KCNH1: variants seen among roughly 807,000 people sequenced by gnomAD.
KCNH1 encodes potassium voltage-gated channel subfamily H member 1.
KCNH1 carries 27 observed loss-of-function variants against 69.2 expected under a neutral mutation model. The observed-to-expected ratio is 0.39, with a 90% CI of 0.29 to 0.54. The LOEUF (loss-of-function observed/expected upper bound fraction) is 0.54. KCNH1 is among the 20% of genes least tolerant of loss of function. The pLI is 0.68. For missense variants in KCNH1, 798 were observed against 1,261.6 expected, an observed-to-expected ratio of 0.63 and a Z score of 5.57; for synonymous variants, 456 against 487.7, an observed-to-expected ratio of 0.93 and a Z score of 0.86.
At chr1:210,854,583 T>A (rs1290645016) in intron 7 of KCNH1, among the ~76,000 whole-genome samples, 1 of 152,048 alleles carries the variant, frequency 6.6e-6, no homozygotes, top group Non-Finnish European at 1.5e-5. Context: ...GGATGGCAAG[T>A]GGTAGCTGTC....
chr1:210,789,331 A>G (rs1358018036), intron 9 of KCNH1, among the ~76,000 whole-genome samples: 1 of 152,190 alleles, frequency 6.6e-6, no homozygotes, highest in Non-Finnish European at 1.5e-5. Flanking sequence ...GGGTTTATAG[A>G]AAGTTATTGT....
At chr1:210,999,067 A>G (rs1369918320) in intron 6 of KCNH1, among the ~76,000 whole-genome samples, 1 of 152,240 alleles carries the variant, frequency 6.6e-6, no homozygotes. Context: ...AGCAGGAAAG[A>G]TCTAAAATTG....
chr1:210,747,021 A>T (rs1005703206), intron 10 of KCNH1, among the ~76,000 whole-genome samples: 66 of 152,310 alleles, frequency 4.3e-4, no homozygotes, highest in African/African-American at 1.6e-3. Flanking sequence ...ATTACCATTC[A>T]TTAGGGAAAC....
chr1:211,115,729 A>ATATATATATATATATATG (rs1691565376), intron 1 of KCNH1, among the ~76,000 whole-genome samples: 1 of 77,992 alleles, frequency 1.3e-5, no homozygotes, highest in Non-Finnish European at 2.3e-5. Context: ...ATATATATAT[A>ATATATATATATATATATG]TACACACACA....
chr1:210,970,534 G>A (rs1190415576), intron 6 of KCNH1, among the ~76,000 whole-genome samples: 1 of 152,076 alleles, frequency 6.6e-6, no homozygotes, highest in Non-Finnish European at 1.5e-5. Flanking sequence ...AATAAGCAAT[G>A]GGGAAAGGAT....
chr1:210,850,435 C>T (rs535087651), intron 7 of KCNH1, among the ~76,000 whole-genome samples: 205 of 152,226 alleles, frequency 1.3e-3, no homozygotes, highest in Non-Finnish European at 2.4e-3. Flanking sequence ...CGCTTGAATC[C>T]GGGAGGCGGA....
intron 10 of KCNH1, among the ~76,000 whole-genome samples, chr1:210,723,946 T>C (rs961631484): frequency 2.0e-5 from 3 of 152,144 alleles, no homozygotes; most frequent in Admixed American, 2.0e-4. Context: ...TTCACTGAGG[T>C]ATCTATAGCT....
chr1:210,847,294 G>A (rs938913585), intron 7 of KCNH1, among the ~76,000 whole-genome samples: 16 of 152,046 alleles, frequency 1.1e-4, no homozygotes, highest in African/African-American at 2.9e-4. Flanking sequence ...TGTTTATTGC[G>A]GCACTATTCA....
Position 211,133,191 on chromosome 1 carries a change from T to C in KCNH1, c.79+676A>G, listed in dbSNP as rs1691908536. On this transcript the variant is annotated intron_variant, in intron 1 of 10. Coordinates refer to ENST00000271751, the MANE Select transcript of KCNH1 (RefSeq NM_172362.3). The surrounding 1 kb of genome is among the most constrained non-coding windows in gnomAD (Gnocchi z 5.4). ...GGGAAATATAACAGGTTTGTACCTG[T>C]GACCATTTAGTTCGCTCTGCACCTG... 6.6e-6 allele frequency: 1 copy of C among 152,240 alleles called. No homozygotes were observed. Among genetic ancestry groups the C allele is most frequent in the African/African-American group, 2.4e-5 (1 of 41,440 alleles). 9.4% of individuals were successfully genotyped at this position (152,240 alleles called of 1,614,324 possible). A position where few individuals can be genotyped will look rare whatever the true frequency, so the allele number is the denominator to read the frequency against.
chr1:210,865,861 A>T (rs1453543686), intron 7 of KCNH1, among the ~76,000 whole-genome samples: 1 of 152,176 alleles, frequency 6.6e-6, no homozygotes, highest in Non-Finnish European at 1.5e-5. Flanking sequence ...GGCAAAGCAC[A>T]ACCAAATGAA....
chr1:210,694,749 T>C (rs992412238), intron 10 of KCNH1, among the ~76,000 whole-genome samples: 2 of 152,210 alleles, frequency 1.3e-5, no homozygotes, highest in Admixed American at 6.5e-5. Context: ...TCAGGTCCTT[T>C]CTTTATGGAG....
chr1:210,951,075 A>C (rs142501985), intron 6 of KCNH1, among the ~76,000 whole-genome samples: 2 of 152,328 alleles, frequency 1.3e-5, no homozygotes, highest in African/African-American at 4.8e-5. Context: ...GTCGGAGAGA[A>C]GGGGAGTATT....
intron 7 of KCNH1, among the ~76,000 whole-genome samples, chr1:210,908,221 T>C (rs1203739918): frequency 6.6e-6 from 1 of 152,190 alleles, no homozygotes; most frequent in African/African-American, 2.4e-5. Context: ...TCATTTCTAA[T>C]TGGCTGACAC....
intron 6 of KCNH1, among the ~76,000 whole-genome samples, chr1:210,998,714 T>C (rs1480039580): frequency 6.6e-6 from 1 of 152,188 alleles, no homozygotes; most frequent in Non-Finnish European, 1.5e-5. Flanking sequence ...TATACATTCT[T>C]TTCAGCACCA....
intron 10 of KCNH1, among the ~76,000 whole-genome samples, chr1:210,736,392 T>C (rs1250310136): frequency 2.0e-5 from 3 of 152,068 alleles, no homozygotes; most frequent in Non-Finnish European, 4.4e-5. Flanking sequence ...CTACTAAAAA[T>C]ACAAAAGTAG....
chr1:211,125,567 ACAAAT>A (rs1691762321), intron 1 of KCNH1, among the ~76,000 whole-genome samples: 1 of 152,244 alleles, frequency 6.6e-6, no homozygotes, highest in African/African-American at 2.4e-5. Context: ...CACTCTTAAT[ACAAAT>A]CAAAGTTAAG....
chr1:210,973,643 T>C (rs1285397584), intron 6 of KCNH1, among the ~76,000 whole-genome samples: 2 of 152,194 alleles, frequency 1.3e-5, no homozygotes, highest in Admixed American at 6.6e-5. Flanking sequence ...AGTGTAGGTA[T>C]AGTATATATA....
intron 6 of KCNH1, among the ~76,000 whole-genome samples, chr1:210,992,820 G>GAGA (rs1293139668): frequency 2.0e-5 from 3 of 152,046 alleles, no homozygotes; most frequent in African/African-American, 7.2e-5. Flanking sequence ...TTTTCTTTAT[G>GAGA]CTTTCCCTTA....
intron 7 of KCNH1, among the ~76,000 whole-genome samples, chr1:210,813,614 T>G (rs2102417824): frequency 6.6e-6 from 1 of 152,328 alleles, no homozygotes; most frequent in East Asian, 1.9e-4. Context: ...AATGTGATAT[T>G]GATGGAGTAA....
Sources: allele counts gnomAD v4.1 joint callset (sites outside exome capture counted in the v4.1 genomes callset), GRCh38; gene constraint gnomAD v4.1.1; non-coding constraint Gnocchi (gnomAD v3.1); transcripts MANE v1.5; gene names NCBI Gene and HGNC (gene_info 2026-07-23, HGNC 2026-07-21).